The following SASH1 variants were observed in gnomAD, a reference collection of about 807,000 sequenced individuals.
SASH1 encodes the protein SAM and SH3 domain containing 1, also known as SAM and SH3 domain-containing protein 1.
Under a neutral mutation model 125.2 loss-of-function variants are expected in SASH1, and 44 were observed. That is an observed-to-expected ratio of 0.35 (90% CI 0.28 to 0.45). SASH1 has a LOEUF of 0.45. Among genes scored for constraint, SASH1 ranks in the 20% least tolerant of loss-of-function variants. SASH1 has a pLI of 1.00. For missense variants in SASH1, 1,426 were observed against 1,614.5 expected (o/e 0.88, Z 2.00); for synonymous variants, 639 against 649.1 (o/e 0.98, Z 0.24).
the SASH1 span, among the ~76,000 whole-genome samples, chr6:148,201,567 G>A: frequency 5.3e-5 from 8 of 152,132 alleles, no homozygotes; most frequent in Non-Finnish European, 8.8e-5. Flanking sequence ...TGCTGATCTC[G>A]GGGCACACTT....
chr6:148,284,264 C>A (rs973530539), intron 1 of SASH1, among the ~76,000 whole-genome samples: 8 of 152,102 alleles, frequency 5.3e-5, no homozygotes, highest in Non-Finnish European at 1.0e-4. Flanking sequence ...CATAGTGAAA[C>A]CCCGTCTCTA....
chr6:148,194,468 T>C, the SASH1 span, among the ~76,000 whole-genome samples: 1 of 152,262 alleles, frequency 6.6e-6, no homozygotes, highest in Non-Finnish European at 1.5e-5. Flanking sequence ...TTGGATGGTA[T>C]AACAAATTAT....
At chr6:148,518,143 A>G (rs1449201408) in intron 9 of SASH1, among the ~76,000 whole-genome samples, 1 of 152,124 alleles carries the variant, frequency 6.6e-6, no homozygotes, top group African/African-American at 2.4e-5. Flanking sequence ...AGGTGTCCTG[A>G]GGAAGGAGCG....
At chr6:148,257,385 A>T in the SASH1 span, among the ~76,000 whole-genome samples, 3 of 152,318 alleles carry the variant, frequency 2.0e-5, no homozygotes, top group African/African-American at 7.2e-5. Flanking sequence ...CAAGGCTGGC[A>T]TTCATCTTAG....
intron 8 of SASH1, among the ~76,000 whole-genome samples, chr6:148,490,819 T>C (rs888433434): frequency 6.6e-6 from 1 of 152,182 alleles, no homozygotes; most frequent in African/African-American, 2.4e-5. Context: ...CTGGCTTTAA[T>C]CAATTTCTTA....
At chr6:148,391,456 A>G (rs1275730220) in intron 2 of SASH1, among the ~76,000 whole-genome samples, 2 of 151,528 alleles carry the variant, frequency 1.3e-5, no homozygotes, top group African/African-American at 4.8e-5. Context: ...TCAGTGATAC[A>G]ATGCTGTATC....
intron 1 of SASH1, among the ~76,000 whole-genome samples, chr6:148,365,760 G>C (rs953863153): frequency 3.3e-5 from 5 of 151,704 alleles, no homozygotes; most frequent in African/African-American, 9.7e-5. Context: ...GGATCGTTGA[G>C]CTCAGGAGTT....
intron 1 of SASH1, among the ~76,000 whole-genome samples, chr6:148,389,841 G>C (rs77627952): frequency 6.6e-6 from 1 of 152,210 alleles, no homozygotes; most frequent in African/African-American, 2.4e-5. Context: ...GCACCAGACC[G>C]TCCGAGGTTG....
At chr6:148,525,730 A>G (rs531590065) in intron 11 of SASH1, among the ~76,000 whole-genome samples, 2 of 152,332 alleles carry the variant, frequency 1.3e-5, no homozygotes, top group Admixed American at 6.5e-5. Context: ...ACATAGTGCC[A>G]TGAAGTGGAG....
chr6:148,368,758 G>A (rs1440601284), intron 1 of SASH1, among the ~76,000 whole-genome samples: 3 of 18,748 alleles, frequency 1.6e-4, no homozygotes, highest in African/African-American at 4.1e-4. Context: ...CCACATGCGC[G>A]CGCACGCGCG....
At chr6:148,438,743 A>C (rs1012363322) in intron 2 of SASH1, among the ~76,000 whole-genome samples, 26 of 128,674 alleles carry the variant, frequency 2.0e-4, no homozygotes, top group African/African-American at 5.7e-4. Flanking sequence ...AAAAAAAAAA[A>C]AAACCAAAAC....
At chr6:148,483,335 G>T (rs1249145860) in intron 7 of SASH1, among the ~76,000 whole-genome samples, 1 of 151,970 alleles carries the variant, frequency 6.6e-6, no homozygotes, top group Non-Finnish European at 1.5e-5. Flanking sequence ...CCCTCCCCAG[G>T]GTATTAAACT....
chr6:148,420,630 C>G (rs1785019315), intron 2 of SASH1, among the ~76,000 whole-genome samples: 1 of 152,178 alleles, frequency 6.6e-6, no homozygotes, highest in Admixed American at 6.5e-5. Flanking sequence ...TGGGCTTGTT[C>G]ATACTCCTTA....
chr6:148,294,548 C>A (rs1476508643), intron 1 of SASH1, among the ~76,000 whole-genome samples: 1 of 152,136 alleles, frequency 6.6e-6, no homozygotes, highest in Non-Finnish European at 1.5e-5. Flanking sequence ...TAGCACCCTG[C>A]CTGGAACATA....
chr6:148,397,278 T>A (rs1783995202), intron 2 of SASH1, among the ~76,000 whole-genome samples: 1 of 152,058 alleles, frequency 6.6e-6, no homozygotes, highest in South Asian at 2.1e-4. Context: ...GTCAGGAGTT[T>A]GAAACCAGCT....
chr6:148,298,663 GAGGGAGGAAGGAAGGA>G lies in SASH1; in HGVS notation n.74+26290_74+26305del, dbSNP rs1309646633. Among the ~76,000 whole-genome samples, 8 of 90,170 alleles carry G rather than the reference GAGGGAGGAAGGAAGGA, an allele frequency of 8.9e-5. No homozygotes were observed. In the East Asian group the frequency reaches 2.5e-3, roughly 28 times the overall value. The allele number at this position is 90,170 out of a possible 152,430, so 59.2% of individuals were successfully genotyped here. On this transcript the variant is annotated intron_variant and non_coding_transcript_variant, in intron 1 of 3. Transcript: ENST00000367469. ...GAAGGAAGGAAGGGAGGGAGGGAGG[GAGGGAGGAAGGAAGGA>G]AGGAAGGAAGGAAGGAAGGAAGGAA...
chr6:148,238,114 C>A, the SASH1 span, among the ~76,000 whole-genome samples: 12 of 152,128 alleles, frequency 7.9e-5, no homozygotes, highest in Admixed American at 5.9e-4. Context: ...TCAAATGTAA[C>A]CTTCTCACTG....
chr6:148,431,976 AT>A (rs5880778), intron 2 of SASH1, among the ~76,000 whole-genome samples: 65,442 of 139,886 alleles, frequency 0.47, 14,788 homozygotes, highest in South Asian at 0.68. Flanking sequence ...AAGTAATATA[AT>A]TTTTTTTTTT....
At chr6:148,493,766 T>G (rs925711051) in intron 8 of SASH1, among the ~76,000 whole-genome samples, 2 of 152,226 alleles carry the variant, frequency 1.3e-5, no homozygotes, top group African/African-American at 4.8e-5. Flanking sequence ...AGATTTCCCT[T>G]TGCCAGAGAA....
Sources: gnomAD v4.1 joint callset for allele counts (sites outside exome capture counted in the v4.1 genomes callset) on GRCh38, gnomAD v4.1.1 for gene constraint, MANE v1.5 for transcripts, NCBI Gene and HGNC (gene_info 2026-07-23, HGNC 2026-07-21) for gene names.